The following SLC1A6 variants were observed in gnomAD, a reference collection of about 807,000 sequenced individuals.
SLC1A6 encodes the protein solute carrier family 1 member 6, also known as excitatory amino acid transporter 4.
A neutral mutation model predicts 42.1 loss-of-function variants in SLC1A6; 15 were observed. That is an observed-to-expected ratio of 0.36 (90% confidence interval 0.24 to 0.55). The LOEUF (loss-of-function observed/expected upper bound fraction) is 0.55. Ranked by LOEUF, SLC1A6 falls within the 20% of genes least tolerant of loss-of-function variation. The pLI, the probability that SLC1A6 is intolerant of heterozygous loss-of-function variation, is 0.88. For missense variants in SLC1A6, 542 were observed against 772.5 expected (o/e 0.70, Z 3.54); for synonymous variants, 317 against 319.7 (o/e 0.99, Z 0.09).
intron 9 of SLC1A6, 62 bp downstream of exon 9, chr19:14,952,866 T>G: frequency 6.4e-7 from 1 of 1,561,856 alleles, no homozygotes; most frequent in Non-Finnish European, 8.7e-7. Flanking sequence ...TCGAGGACGT[T>G]GCAGGGGAAA....
chr19:14,972,830 C>G lies in SLC1A6; in HGVS notation c.81G>C (p.Gln27His). 1 of 1,603,890 alleles carries G rather than the reference C, an allele frequency of 6.2e-7. No homozygotes were observed. Among genetic ancestry groups the G allele is most frequent in the Non-Finnish European group, 8.5e-7 (1 of 1,176,088 alleles). ...LGRVGWLQRL[Q>H]ESLQQRALRT... is the part of the protein sequence containing the mutation. The stretch of plus-strand genomic sequence containing the variant: ...GCAGTGCTCTCTGCTGCAGGCTTTC[C>G]TGCAGCCGCTGCAGCCAGCCCACCC... The change falls in exon 2 of 10, where the codon CAG becomes CAC. Residue 27 changes from glutamine (Q) to histidine (H), a missense_variant. By Grantham distance (24) the Gln-to-His change is conservative (BLOSUM62 0). Coordinates refer to ENST00000594383, the MANE Select transcript of SLC1A6 (RefSeq NM_005071.3).
intron 3 of SLC1A6, among the ~76,000 whole-genome samples, chr19:14,971,218 T>C (rs1406295506): frequency 1.3e-5 from 2 of 152,210 alleles, no homozygotes; most frequent in Non-Finnish European, 2.9e-5. Context: ...GGGTCAACCC[T>C]AGTTGCAAAA....
At position 14,964,954 on chromosome 19, in the gene SLC1A6, G is replaced by T. The variant is rs538172389; in HGVS notation, c.549-593C>A. On this transcript the variant is annotated intron_variant, in intron 4 of 9. Coordinates refer to ENST00000594383, the MANE Select transcript of SLC1A6 (RefSeq NM_005071.3). The stretch of plus-strand genomic sequence containing the variant: ...ATGTTGGCATTGATGTGGGGGAAAG[G>T]GGACACTTACACACTGCTGGTGGGG... 6.6e-5 allele frequency among the ~76,000 whole-genome samples: 10 copies of T among 152,068 alleles called. No individual in the cohort carries two copies. In the East Asian group the frequency reaches 1.7e-3, roughly 26 times the overall value.
chr19:14,964,133 G>A, intron 5 of SLC1A6, 186 bp downstream of exon 5: 1 of 601,428 alleles, frequency 1.7e-6, no homozygotes, highest in Non-Finnish European at 3.0e-6. Flanking sequence ...TCGGACCTAA[G>A]TGCTTCTCCC....
chr19:14,956,428 C>T, intron 7 of SLC1A6, 48 bp downstream of exon 7: 1 of 1,299,540 alleles, frequency 7.7e-7, no homozygotes. Flanking sequence ...ACATGAAGGA[C>T]AAGAAGTGCA....
chr19:14,973,218 A>T, intron 1 of SLC1A6: 1 of 364,298 alleles, frequency 2.7e-6, no homozygotes, highest in Non-Finnish European at 4.9e-6. Context: ...GTGATCTATG[A>T]TCTTCCCAGC....
intron 7 of SLC1A6, 41 bp downstream of exon 7, chr19:14,956,435 T>G (rs773984569): frequency 2.2e-5 from 30 of 1,357,222 alleles, no homozygotes; most frequent in Non-Finnish European, 2.6e-5. Context: ...GGACAAGAAG[T>G]GCAACCAGGA....
chr19:14,974,208 T>C (rs1442525096), intron 1 of SLC1A6: 1 of 151,626 alleles, frequency 6.6e-6, no homozygotes, highest in African/African-American at 2.4e-5. Flanking sequence ...AATACAAAAA[T>C]TACCCAGGCG....
At chr19:14,969,548 A>G (rs1388013911) in intron 3 of SLC1A6, among the ~76,000 whole-genome samples, 2 of 152,146 alleles carry the variant, frequency 1.3e-5, no homozygotes, top group African/African-American at 4.8e-5. Context: ...TTTGAAACCC[A>G]CATCTTTGCT....
chr19:14,986,068 C>T (rs1183120879), intron 1 of SLC1A6, among the ~76,000 whole-genome samples: 1 of 151,170 alleles, frequency 6.6e-6, no homozygotes, highest in Non-Finnish European at 1.5e-5. Flanking sequence ...GTAGCTGGTT[C>T]AGCTTGCAAT....
intron 1 of SLC1A6, among the ~76,000 whole-genome samples, chr19:15,006,557 C>T (rs953133580): frequency 1.3e-5 from 2 of 151,700 alleles, no homozygotes; most frequent in African/African-American, 4.8e-5. Context: ...CCCCCCATTA[C>T]TGAATGATCC....
chr19:14,956,276 C>T (rs964182835), intron 7 of SLC1A6, among the ~76,000 whole-genome samples, 200 bp downstream of exon 7: 1 of 152,094 alleles, frequency 6.6e-6, no homozygotes, highest in Admixed American at 6.5e-5. Flanking sequence ...AGTTAAAAAA[C>T]AGGAAAGGAG....
intron 4 of SLC1A6, among the ~76,000 whole-genome samples, chr19:14,965,703 A>G (rs1445580266): frequency 6.6e-6 from 1 of 152,100 alleles, no homozygotes; most frequent in Admixed American, 6.6e-5. Flanking sequence ...TACAAAAATT[A>G]GCTGGGCATG....
chr19:14,966,763 A>C (rs952362470), intron 4 of SLC1A6, among the ~76,000 whole-genome samples: 5 of 151,358 alleles, frequency 3.3e-5, no homozygotes, highest in East Asian at 3.8e-4. Flanking sequence ...ATTCTCAGCA[A>C]ACTGACATAG....
rs115861571 is a variant in SLC1A6, at chr19:15,004,728, T to G, written c.6+5757A>C. On this transcript the variant is annotated intron_variant, in intron 1 of 8. Transcript: ENST00000430939. The stretch of plus-strand genomic sequence containing the variant: ...AAAAAAAAAAAGATTCTTATTCATT[T>G]CATTATGTTTCCCATATTTTATACA... 5.2e-3 allele frequency among the ~76,000 whole-genome samples: 787 copies of G among 152,208 alleles called. 8 individuals carry two copies. The highest frequency in any genetic ancestry group is 0.018 in the African/African-American group (751 of 41,534).
intron 8 of SLC1A6, among the ~76,000 whole-genome samples, chr19:14,953,413 G>A (rs1407775274): frequency 2.0e-5 from 3 of 151,558 alleles, no homozygotes; most frequent in Non-Finnish European, 4.4e-5. Context: ...ATGCCACAAC[G>A]CCTGGTTAAT....
chr19:15,003,660 C>CAAAAAAAAAAAAAAAAAAA (rs371118940), intron 1 of SLC1A6, among the ~76,000 whole-genome samples: 1 of 121,982 alleles, frequency 8.2e-6, no homozygotes, highest in Admixed American at 8.7e-5. Flanking sequence ...CATGTAATGC[C>CAAAAAAAAAAAAAAAAAAA]AAAAAAAAAA....
Position 14,950,224 on chromosome 19 carries a change from C to A in SLC1A6, c.1666G>T (p.Gly556Ter). ...ATAGCACTCTCGTTGCCTCCCCGTC[C>A]CCGGGATGCCCCCTTCTCCTGTGCC... ...LMAQEKGASR[G>*]RGGNESAM The change falls in exon 10 of 10, where the codon GGA becomes TGA. Residue 556 changes from glycine (G) to a stop codon, truncating the protein, a stop_gained. Coordinates refer to ENST00000594383, the MANE Select transcript of SLC1A6 (RefSeq NM_005071.3). LOFTEE classifies it high-confidence loss of function. 6.3e-7 allele frequency: 1 copy of A among 1,588,428 alleles called. No homozygotes were observed. The highest frequency in any genetic ancestry group is 8.6e-7 in the Non-Finnish European group (1 of 1,162,398).
At chr19:15,010,451 C>T (rs1293161396) in intron 1 of SLC1A6, 2 of 489,554 alleles carry the variant, frequency 4.1e-6, no homozygotes, top group East Asian at 1.2e-4. Flanking sequence ...AGAGGAATGC[C>T]TGGTGAGAAG....
Sources: gnomAD v4.1 joint callset for allele counts (sites outside exome capture counted in the v4.1 genomes callset) on GRCh38, gnomAD v4.1.1 for gene constraint, MANE v1.5 for transcripts, NCBI Gene and HGNC (gene_info 2026-07-23, HGNC 2026-07-21) for gene names.